C4orf50: variants seen among roughly 807,000 people sequenced by gnomAD.
C4orf50 encodes the protein uncharacterized protein C4orf50.
C4orf50 carries 80 observed loss-of-function variants against 77.2 expected under a neutral mutation model. That is an observed-to-expected ratio of 1.04 (90% CI 0.87 to 1.25). The LOEUF (loss-of-function observed/expected upper bound fraction) is 1.25. Ranked by LOEUF, C4orf50 falls within the 50% of genes most tolerant of loss-of-function variation. C4orf50 has a pLI of 0.00. For synonymous variants in C4orf50, 532 were observed against 465.3 expected (o/e 1.14, Z -1.84); for missense variants, 1,257 against 1,152.9 (o/e 1.09, Z -1.31).
intron 28 of C4orf50, among the ~76,000 whole-genome samples, chr4:5,983,391 C>T (rs903054070): frequency 7.2e-5 from 11 of 152,214 alleles, no homozygotes; most frequent in African/African-American, 9.6e-5. Flanking sequence ...AATCCAGCCA[C>T]GCTGACTACT....
At chr4:5,953,974 C>T (rs1170939824), downstream of C4orf50, among the ~76,000 whole-genome samples, 2 of 152,230 alleles carry the variant, frequency 1.3e-5, no homozygotes, top group Non-Finnish European at 2.9e-5. Context: ...TGCCCTTGGA[C>T]CAAGTGCCTT....
At chr4:5,922,949 C>A (rs539899309) in intron 7 of C4orf50, among the ~76,000 whole-genome samples, 1 of 152,294 alleles carries the variant, frequency 6.6e-6, no homozygotes, top group African/African-American at 2.4e-5. Context: ...CCCAGCTGCC[C>A]TAAACTGTCA....
rs114674443 is a variant in C4orf50, at chr4:5,989,023, C to T, written c.3023G>A (p.Gly1008Glu). Residue 1008 changes from glycine (G) to glutamate (E), a missense_variant, in exon 28 of 34, where the codon GGG becomes GAG. Gly to Glu is a moderately conservative substitution (Grantham distance 98, BLOSUM62 -2). Transcript: ENST00000531445. ...CTCCAAAATTTTGCAGTAACTCTTC[C>T]CATTGCAGTCTTCAAGGTCAGAGAT... 1,039 of 1,536,054 alleles carry T rather than the reference C, an allele frequency of 6.8e-4. 4 individuals carry two copies. The African/African-American group carries it at 0.012, about 18-fold the overall frequency.
chr4:5,966,748 C>T (rs1256211558), intron 32 of C4orf50, among the ~76,000 whole-genome samples: 1 of 150,814 alleles, frequency 6.6e-6, no homozygotes, highest in African/African-American at 2.4e-5. Context: ...CTCCCAGGTT[C>T]CAGCCATTCT....
chr4:5,940,345 T>G (rs548480761), intron 7 of C4orf50, among the ~76,000 whole-genome samples: 9 of 152,370 alleles, frequency 5.9e-5, no homozygotes, highest in African/African-American at 1.7e-4. Context: ...ATTATGGTTT[T>G]CCTAGAATTC....
rs1022055953 is a variant in C4orf50, at chr4:5,916,538, G to A, written c.*2475-18350C>T. On this transcript the variant is annotated intron_variant, in intron 7 of 7. Coordinates refer to the C4orf50 transcript ENST00000324058. The surrounding 1 kb of genome is among the most constrained non-coding windows in gnomAD (Gnocchi z 4.4). Reference sequence around the variant, plus strand: ...TTCAGGGCAGGGTGACTCACCCAAGGGCAAAGCTATTACTCTGCAAGTTTC... The same window carrying A: ...TTCAGGGCAGGGTGACTCACCCAAGAGCAAAGCTATTACTCTGCAAGTTTC... 3.3e-5 allele frequency among the ~76,000 whole-genome samples: 5 copies of A among 152,138 alleles called. No homozygotes were observed. Among genetic ancestry groups the A allele is most frequent in the African/African-American group, 9.7e-5 (4 of 41,432 alleles).
intron 30 of C4orf50, among the ~76,000 whole-genome samples, 198 bp downstream of exon 8, chr4:5,975,701 C>A (rs1198591213): frequency 6.6e-6 from 1 of 152,008 alleles, no homozygotes; most frequent in Non-Finnish European, 1.5e-5. Context: ...GTTGCCCAGG[C>A]CGGTCTCAAA....
chr4:5,938,750 T>G (rs1168976735), intron 7 of C4orf50, among the ~76,000 whole-genome samples: 1 of 152,122 alleles, frequency 6.6e-6, no homozygotes, highest in African/African-American at 2.4e-5. Context: ...CATTTCAAAA[T>G]CTATCAAACT....
In C4orf50 at chr4:5,970,479, G is replaced by A. The variant is rs754707422; in HGVS notation, c.4105-3017C>T. 2.6e-5 allele frequency among the ~76,000 whole-genome samples: 4 copies of A among 152,114 alleles called. No individual in the cohort carries two copies. The highest frequency in any genetic ancestry group is 6.5e-5 in the Admixed American group (1 of 15,282). ...AGAGTAGGAGGAGGGAAGCCAGGGC[G>A]GATACAAGGGTGACCCATGGACGCT... On this transcript the variant is annotated intron_variant, in intron 31 of 33. Coordinates refer to ENST00000531445, the Ensembl canonical transcript of C4orf50. This position sits in a 1 kb window ranked among gnomAD's most constrained non-coding sequence, Gnocchi z 4.3.
intron 28 of C4orf50, 93 bp from the exon 7 acceptor site, chr4:5,980,431 GT>G (rs58696068): frequency 0.26 from 240,428 of 923,154 alleles, 21,356 homozygotes; most frequent in African/African-American, 0.53. Flanking sequence ...CCACTCCGTA[GT>G]TTTTTTTTTT....
At chr4:5,988,951 T>C (rs1721078413) in exon 28 of C4orf50, 1 of 1,536,028 alleles carries the variant, frequency 6.5e-7, no homozygotes, top group African/African-American at 1.4e-5. Context: ...CGTGGCTTTC[T>C]GGAGTTGGCC....
intron 7 of C4orf50, among the ~76,000 whole-genome samples, chr4:5,911,818 C>T (rs943005561): frequency 3.9e-5 from 6 of 152,182 alleles, no homozygotes; most frequent in South Asian, 2.1e-4. Context: ...GAGGCCCAGG[C>T]GGGCCGATCA....
chr4:5,927,762 T>C (rs1171075335), intron 7 of C4orf50, among the ~76,000 whole-genome samples: 1 of 152,178 alleles, frequency 6.6e-6, no homozygotes, highest in Non-Finnish European at 1.5e-5. Context: ...ATTAAACCTC[T>C]TTCCTTTATA....
In C4orf50 at chr4:5,989,886, G is replaced by A. The variant is rs576356786; in HGVS notation, c.2160C>T (p.Ser720=). 87 of 1,436,908 alleles carry A rather than the reference G, an allele frequency of 6.1e-5. No individual in the cohort carries two copies. In the African/African-American group the frequency reaches 1.1e-3, roughly 19 times the overall value. The allele number at this position is 1,436,908 out of a possible 1,614,324, so 89.0% of individuals were successfully genotyped here. ...CTTCCTCTAGCCCTTTGTCCTCCAG[G>A]CTTCCTCCTTGCAGAAGCAGAGCAT... is the stretch of plus-strand genomic sequence containing the variant. Residue 720 remains serine (S), a synonymous_variant, in exon 28 of 34, where the codon AGC becomes AGT. Transcript: ENST00000531445.
rs531501232 is a variant in C4orf50 at position 5,950,710 on chromosome 4, G to A, written c.*2474+6191C>T. Among the ~76,000 whole-genome samples, 20 of 150,484 alleles carry A rather than the reference G, an allele frequency of 1.3e-4. 1 individual carries two copies. In the South Asian group the frequency reaches 3.1e-3, roughly 24 times the overall value. On this transcript the variant is annotated intron_variant, in intron 7 of 7. Coordinates refer to the C4orf50 transcript ENST00000324058. ...TTTCCTACCCACTGTCTCCACCCCCGTTTTTCTTCCCTCACGACATCGATC... is the reference window on the plus strand; with the variant it reads ...TTTCCTACCCACTGTCTCCACCCCCATTTTTCTTCCCTCACGACATCGATC...
At position 5,930,233 on chromosome 4, in the gene C4orf50, G is replaced by A. The variant is rs553037127; in HGVS notation, c.*2474+26668C>T. On this transcript the variant is annotated intron_variant, in intron 7 of 7. Coordinates refer to the C4orf50 transcript ENST00000324058. ...CCTGTTCTGTTCAATGAGGATGTTAGATTGGATGGTCTCTGGGCACCTTCC... is the reference window on the plus strand; with the variant it reads ...CCTGTTCTGTTCAATGAGGATGTTAAATTGGATGGTCTCTGGGCACCTTCC... 1.2e-4 allele frequency among the ~76,000 whole-genome samples: 18 copies of A among 152,268 alleles called. No homozygotes were observed. In the South Asian group the frequency reaches 3.1e-3, roughly 26 times the overall value.
intron 27 of C4orf50, 35 bp from the exon 6 acceptor site, chr4:5,990,859 G>T: frequency 2.5e-6 from 1 of 399,096 alleles, no homozygotes. Flanking sequence ...GTGTGAAACA[G>T]CCCCTTCCTC....
rs1251998924 is a variant in C4orf50, at chr4:6,000,088, C to G, written c.964-5612G>C. Among the ~76,000 whole-genome samples the G allele has an allele frequency of 6.6e-6, 1 of 152,164 alleles. No homozygotes were observed. The highest frequency in any genetic ancestry group is 1.5e-5 in the Non-Finnish European group (1 of 68,030). On this transcript the variant is annotated intron_variant, in intron 25 of 33. Coordinates refer to ENST00000531445, the Ensembl canonical transcript of C4orf50. The surrounding 1 kb of genome is among the most constrained non-coding windows in gnomAD (Gnocchi z 6.0). ...GTGCTTATGGAGGGAGATCCTTTGA[C>G]AGTCACCACTGTTGTCCAGAGCAAG...
At chr4:5,968,344 G>C (rs947609070) in intron 31 of C4orf50, among the ~76,000 whole-genome samples, 1 of 152,218 alleles carries the variant, frequency 6.6e-6, no homozygotes, top group African/African-American at 2.4e-5. Context: ...GGGTCTATGA[G>C]GGTCCCCTCT....
Sources: allele counts gnomAD v4.1 joint callset (sites outside exome capture counted in the v4.1 genomes callset), GRCh38; gene constraint gnomAD v4.1.1; non-coding constraint Gnocchi (gnomAD v3.1); transcripts MANE v1.5; gene names NCBI Gene and HGNC (gene_info 2026-07-23, HGNC 2026-07-21).